Variants in KDM4C observed in about 807,000 individuals in gnomAD.
KDM4C encodes lysine-specific demethylase 4C.
Under a neutral mutation model 129.3 loss-of-function variants are expected in KDM4C, and 81 were observed. The ratio of observed to expected loss-of-function variants is 0.63; its 90% confidence interval spans 0.52 to 0.75. The LOEUF (loss-of-function observed/expected upper bound fraction) is 0.75, where lower values mean the gene tolerates loss of function less well. Ranked by LOEUF, KDM4C falls within the 30% of genes least tolerant of loss-of-function variation. The pLI is 0.00. For synonymous variants in KDM4C, 573 were observed against 456.1 expected, an observed-to-expected ratio of 1.26 and a Z score of -3.26; for missense variants, 1,457 against 1,304.0, an observed-to-expected ratio of 1.12 and a Z score of -1.81.
intron 2 of KDM4C, among the ~76,000 whole-genome samples, chr9:6,795,907 A>G (rs72699681): frequency 0.072 from 10,940 of 152,114 alleles, 636 homozygotes; most frequent in South Asian, 0.23. Context: ...CCAGGACTCA[A>G]GTGGTCTGCC....
intron 8 of KDM4C, among the ~76,000 whole-genome samples, chr9:6,898,574 A>G (rs565304288): frequency 2.0e-5 from 3 of 152,338 alleles, no homozygotes; most frequent in Admixed American, 1.3e-4. Flanking sequence ...GTACTACCTT[A>G]CTATCTAATT....
chr9:6,755,402 A>G (rs897923789), upstream of KDM4C, among the ~76,000 whole-genome samples: 2 of 151,860 alleles, frequency 1.3e-5, no homozygotes, highest in East Asian at 3.9e-4. Context: ...TTAGCTGGGC[A>G]TTATGGCACA....
intron 8 of KDM4C, among the ~76,000 whole-genome samples, chr9:6,953,363 A>T (rs910597695): frequency 6.6e-6 from 1 of 152,196 alleles, no homozygotes; most frequent in Non-Finnish European, 1.5e-5. Context: ...ATTTAAACAT[A>T]ATTTATTCTG....
chr9:6,906,198 C>T (rs890398165), intron 8 of KDM4C, among the ~76,000 whole-genome samples: 5 of 152,090 alleles, frequency 3.3e-5, no homozygotes, highest in African/African-American at 9.7e-5. Context: ...GCACTTTTCC[C>T]TTGTTTTTTT....
At chr9:7,145,023 C>T (rs1188708471) in intron 19 of KDM4C, among the ~76,000 whole-genome samples, 4 of 152,158 alleles carry the variant, frequency 2.6e-5, no homozygotes, top group Admixed American at 1.3e-4. Context: ...CACCCCTTTG[C>T]GCATCACCTG....
intron 5 of KDM4C, among the ~76,000 whole-genome samples, chr9:6,858,548 C>T (rs147214350): frequency 2.0e-5 from 3 of 152,176 alleles, no homozygotes; most frequent in East Asian, 1.9e-4. Context: ...CCTAGGTGGG[C>T]GGATCATTTG....
At chr9:7,161,636 C>G (rs943792268) in intron 19 of KDM4C, among the ~76,000 whole-genome samples, 2 of 152,184 alleles carry the variant, frequency 1.3e-5, no homozygotes, top group African/African-American at 4.8e-5. Context: ...ACAGGCCTCA[C>G]GTGTGGGTGC....
intron 18 of KDM4C, among the ~76,000 whole-genome samples, chr9:7,122,285 T>TCTCTCTCTC (rs1554752011): frequency 3.3e-5 from 5 of 150,890 alleles, no homozygotes; most frequent in Admixed American, 6.6e-5. Context: ...TCTCTCTCTC[T>TCTCTCTCTC]TAAACAGCCA....
At chr9:6,787,049 G>A (rs1825640748) in intron 1 of KDM4C, among the ~76,000 whole-genome samples, 1 of 152,180 alleles carries the variant, frequency 6.6e-6, no homozygotes. Context: ...TTTAATCTAT[G>A]TATCTGATTT....
chr9:6,838,547 T>C (rs1056193054), intron 4 of KDM4C, among the ~76,000 whole-genome samples: 6 of 152,170 alleles, frequency 3.9e-5, no homozygotes, highest in African/African-American at 1.4e-4. Flanking sequence ...TTTTCCCCAT[T>C]TTTTCTCTGT....
At chr9:6,773,910 TTTTA>T (rs1822441668) in intron 1 of KDM4C, among the ~76,000 whole-genome samples, 1 of 151,952 alleles carries the variant, frequency 6.6e-6, no homozygotes, top group African/African-American at 2.4e-5. Flanking sequence ...TAGGCATTTA[TTTTA>T]TTTATTTTTA....
At chr9:7,034,305 AG>A (rs1827272109) in intron 15 of KDM4C, among the ~76,000 whole-genome samples, 1 of 152,218 alleles carries the variant, frequency 6.6e-6, no homozygotes, top group African/African-American at 2.4e-5. Context: ...TATAGAACTT[AG>A]TCCTATCTAG....
intron 3 of KDM4C, among the ~76,000 whole-genome samples, chr9:6,809,951 T>C (rs1266616097): frequency 1.3e-5 from 2 of 152,120 alleles, no homozygotes. Flanking sequence ...GATTGCACCG[T>C]TGTACTCCAG....
chr9:7,158,202 C>G (rs1003439467), intron 19 of KDM4C, among the ~76,000 whole-genome samples: 5 of 151,918 alleles, frequency 3.3e-5, no homozygotes, highest in Admixed American at 2.6e-4. Context: ...GGTGATATCC[C>G]CTTTTTCATT....
At chr9:7,089,225 A>C (rs1178325224) in intron 17 of KDM4C, among the ~76,000 whole-genome samples, 1 of 151,180 alleles carries the variant, frequency 6.6e-6, no homozygotes, top group Non-Finnish European at 1.5e-5. Context: ...CAAATTGTAG[A>C]ATCCTCACAG....
Position 6,999,308 on chromosome 9 carries a change from A to G in KDM4C, c.1786+8784A>G, listed in dbSNP as rs145005479. ...GTGAATATGTTGACCAAATATAATGATGATGTCTTTTTGATTCAGAAATTA... is the reference window on the plus strand; with the variant it reads ...GTGAATATGTTGACCAAATATAATGGTGATGTCTTTTTGATTCAGAAATTA... On this transcript the variant is annotated intron_variant, in intron 12 of 21. Coordinates refer to ENST00000381309, the MANE Select transcript of KDM4C (RefSeq NM_015061.6). Among the ~76,000 whole-genome samples, 585 of 151,912 alleles carry G rather than the reference A, an allele frequency of 3.9e-3. 8 individuals are homozygous for G. Among genetic ancestry groups the G allele is most frequent in the African/African-American group, 0.013 (521 of 41,384 alleles).
intron 5 of KDM4C, among the ~76,000 whole-genome samples, chr9:6,876,849 G>A (rs1218208237): frequency 6.6e-6 from 1 of 152,072 alleles, no homozygotes; most frequent in Non-Finnish European, 1.5e-5. Flanking sequence ...TCTGACTTGG[G>A]CCATTGTGGT....
chr9:7,032,731 GCCTCCTCTGCTCAGCTTTTGTTTT>G, intron 15 of KDM4C, among the ~76,000 whole-genome samples: 7 of 152,184 alleles, frequency 4.6e-5, no homozygotes, highest in Non-Finnish European at 1.0e-4. Flanking sequence ...CCCAGGCCTT[GCCTCCTCTGCTCAGCTTTTGTTTT>G]TGGAGGGGAA....
intron 18 of KDM4C, among the ~76,000 whole-genome samples, chr9:7,121,794 A>C (rs1320976509): frequency 2.0e-5 from 3 of 151,832 alleles, no homozygotes; most frequent in Non-Finnish European, 4.4e-5. Flanking sequence ...CTTCCATTCA[A>C]TCAATGGAAG....
Sources: gnomAD v4.1 joint callset for allele counts (sites outside exome capture counted in the v4.1 genomes callset) on GRCh38, gnomAD v4.1.1 for gene constraint, MANE v1.5 for transcripts, NCBI Gene and HGNC (gene_info 2026-07-23, HGNC 2026-07-21) for gene names.